Variants in RBFOX3 observed in about 807,000 individuals in gnomAD.
The protein encoded by RBFOX3 is RNA binding protein fox-1 homolog 3.
In RBFOX3, 17 loss-of-function variants were observed where a neutral mutation model predicts 48.7. The ratio of observed to expected loss-of-function variants is 0.35; its 90% confidence interval spans 0.24 to 0.52. RBFOX3 has a LOEUF of 0.52. Among genes scored for constraint, RBFOX3 ranks in the 20% least tolerant of loss-of-function variants. The probability of loss-of-function intolerance (pLI) is 0.94; values close to 1 mark genes in which losing one functional copy is unlikely to be tolerated. For missense variants in RBFOX3, 382 were observed against 497.5 expected (o/e 0.77, Z 2.21); for synonymous variants, 212 against 209.5 (o/e 1.01, Z -0.10).
At chr17:79,604,844 T>A (rs2093790026) in intron 1 of RBFOX3, among the ~76,000 whole-genome samples, 1 of 152,204 alleles carries the variant, frequency 6.6e-6, no homozygotes, top group Non-Finnish European at 1.5e-5. Flanking sequence ...AGCCTGCTCC[T>A]CCATGTTCTC....
At chr17:79,233,404 G>T (rs934814966) in intron 4 of RBFOX3, among the ~76,000 whole-genome samples, 3 of 152,100 alleles carry the variant, frequency 2.0e-5, no homozygotes, top group African/African-American at 4.8e-5. Flanking sequence ...TAATGGTTGG[G>T]GGTGATGAAT....
the RBFOX3 span, among the ~76,000 whole-genome samples, chr17:79,652,609 A>G: frequency 3.0e-3 from 209 of 70,388 alleles, no homozygotes; most frequent in Middle Eastern, 7.6e-3. Flanking sequence ...GAGGAAAGGA[A>G]AGGAAAGGAA....
At chr17:79,656,831 A>G in the RBFOX3 span, among the ~76,000 whole-genome samples, 2 of 134,432 alleles carry the variant, frequency 1.5e-5, no homozygotes, top group African/African-American at 6.1e-5. Flanking sequence ...GAAAGAAAGA[A>G]AAGAAAGAAA....
chr17:79,366,537 T>C (rs1236178112), intron 2 of RBFOX3, among the ~76,000 whole-genome samples: 4 of 152,128 alleles, frequency 2.6e-5, no homozygotes, highest in African/African-American at 9.7e-5. Flanking sequence ...CAAAACATCA[T>C]GAATAGAGCA....
rs1047334526 is a variant in RBFOX3 at position 79,195,294 on chromosome 17, C to A, written c.-34+40472G>T. Among the ~76,000 whole-genome samples, 1 of 152,012 alleles carries A rather than the reference C, an allele frequency of 6.6e-6. No homozygotes were observed. The highest frequency in any genetic ancestry group is 2.4e-5 in the African/African-American group (1 of 41,370). ...TCTCGTGCGTACAGTCCCAGCTACT[C>A]AGGAGGCTGAGACACGACAATCACT... is the stretch of plus-strand genomic sequence containing the variant. On this transcript the variant is annotated intron_variant, in intron 4 of 14. Coordinates refer to ENST00000693108, the MANE Select transcript of RBFOX3 (RefSeq NM_001350451.2). This position sits in a 1 kb window ranked among gnomAD's most constrained non-coding sequence, Gnocchi z 5.3.
intron 1 of RBFOX3, among the ~76,000 whole-genome samples, chr17:79,490,720 TAGAGAG>T (rs59694667): frequency 1.8e-4 from 26 of 144,350 alleles, no homozygotes; most frequent in African/African-American, 5.6e-4. Flanking sequence ...GCCTGCAGTG[TAGAGAG>T]AGAGAGAGAG....
intron 1 of RBFOX3, among the ~76,000 whole-genome samples, chr17:79,555,366 G>C (rs1485412206): frequency 0.012 from 6 of 504 alleles, no homozygotes; most frequent in African/African-American, 0.03. Flanking sequence ...TGATGGTGGT[G>C]ATGATGGTAG....
chr17:79,562,795 A>AT (rs1296319041), intron 1 of RBFOX3, among the ~76,000 whole-genome samples: 1 of 152,196 alleles, frequency 6.6e-6, no homozygotes, highest in Non-Finnish European at 1.5e-5. Context: ...AGCTCCAGAT[A>AT]AAAGGAGCAG....
Position 79,106,582 on chromosome 17 carries a change from G to C in RBFOX3, c.360+69C>G, listed in dbSNP as rs2077419648. The C allele has an allele frequency of 5.0e-6, 7 of 1,390,100 alleles. No individual in the cohort carries two copies. The South Asian group carries it at 1.0e-4, about 20-fold the overall frequency. The allele number at this position is 1,390,100 out of a possible 1,614,324, so 86.1% of individuals were successfully genotyped here. A position where few individuals can be genotyped will look rare whatever the true frequency, so the allele number is the denominator to read the frequency against. On this transcript the variant is annotated intron_variant, in intron 6 of 14. Coordinates refer to ENST00000693108, the MANE Select transcript of RBFOX3 (RefSeq NM_001350451.2). ...GAACAGGTGTCGGCAGGAAGGCAGGGCCTGTGGGCGCCACCCTGGAGCTGG... is the reference window on the plus strand; with the variant it reads ...GAACAGGTGTCGGCAGGAAGGCAGGCCCTGTGGGCGCCACCCTGGAGCTGG...
intron 1 of RBFOX3, among the ~76,000 whole-genome samples, chr17:79,512,968 C>T (rs1555781974): frequency 2.0e-5 from 3 of 146,742 alleles, no homozygotes; most frequent in African/African-American, 2.6e-5. Flanking sequence ...AGGGGACACC[C>T]ACCCAGATAC....
chr17:79,106,007 G>A (rs1392519483), intron 6 of RBFOX3, among the ~76,000 whole-genome samples: 2 of 152,212 alleles, frequency 1.3e-5, no homozygotes, highest in African/African-American at 2.4e-5. Context: ...AGCCCTGCAC[G>A]TTCTCACGGT....
chr17:79,216,912 C>G (rs1340843081), intron 4 of RBFOX3, among the ~76,000 whole-genome samples: 1 of 152,112 alleles, frequency 6.6e-6, no homozygotes, highest in Non-Finnish European at 1.5e-5. Context: ...CTGCCCAGAC[C>G]CCAGCAGCCT....
chr17:79,094,540 G>A lies in RBFOX3; in HGVS notation c.999-11C>T. On this transcript the variant is annotated splice_polypyrimidine_tract_variant and intron_variant, in intron 13 of 14. Transcript: ENST00000693108. The stretch of plus-strand genomic sequence containing the variant: ...TAGACTCTGCCGTAACTAGGGAAGA[G>A]CGTGGGAGGGGGAGTGGGAGGAGGG... 1 of 1,272,180 alleles carries A rather than the reference G, an allele frequency of 7.9e-7. No homozygotes were observed. The highest frequency in any genetic ancestry group is 3.9e-5 in the Admixed American group (1 of 25,846). 78.8% of individuals were successfully genotyped at this position (1,272,180 alleles called of 1,614,324 possible).
chr17:79,097,607 C>CAAAA, intron 10 of RBFOX3, 85 bp downstream of exon 10: 1 of 1,324,980 alleles, frequency 7.5e-7, no homozygotes, highest in Non-Finnish European at 1.0e-6. Flanking sequence ...GGCCCCGCCC[C>CAAAA]TCATGCCCCG....
intron 2 of RBFOX3, among the ~76,000 whole-genome samples, chr17:79,372,467 T>C (rs1384030017): frequency 1.3e-5 from 2 of 149,400 alleles, no homozygotes; most frequent in Non-Finnish European, 3.0e-5. Flanking sequence ...CCTGGACTTA[T>C]GGGCCAGTCC....
At chr17:79,656,771 A>AGAGAGAGAGAGAGAC in the RBFOX3 span, among the ~76,000 whole-genome samples, 446 of 36,616 alleles carry the variant, frequency 0.012, 5 homozygotes, top group Middle Eastern at 0.038. Flanking sequence ...GGAAGGAAGG[A>AGAGAGAGAGAGAGAC]AGGAAGGAAA....
At chr17:79,574,538 G>A (rs977636136) in intron 1 of RBFOX3, among the ~76,000 whole-genome samples, 58 of 152,236 alleles carry the variant, frequency 3.8e-4, no homozygotes, top group African/African-American at 1.1e-3. Context: ...ACCTTGTACC[G>A]TCTAAAAAGG....
chr17:79,657,431 C>A, the RBFOX3 span, among the ~76,000 whole-genome samples: 1 of 152,184 alleles, frequency 6.6e-6, no homozygotes, highest in Non-Finnish European at 1.5e-5. Context: ...GTAATCCTAG[C>A]ACTTTGGGAG....
chr17:79,176,016 G>A (rs1457410400), intron 4 of RBFOX3, among the ~76,000 whole-genome samples: 1 of 152,226 alleles, frequency 6.6e-6, no homozygotes, highest in African/African-American at 2.4e-5. Context: ...ACTGAGTTGT[G>A]TCTGTGAACC....
Sources: allele counts gnomAD v4.1 joint callset (sites outside exome capture counted in the v4.1 genomes callset), GRCh38; gene constraint gnomAD v4.1.1; non-coding constraint Gnocchi (gnomAD v3.1); transcripts MANE v1.5; gene names NCBI Gene and HGNC (gene_info 2026-07-23, HGNC 2026-07-21).